The following ABHD18 variants were observed in gnomAD, a reference collection of about 807,000 sequenced individuals.
The protein encoded by ABHD18 is cardiolipin-specific deacylase, mitochondrial.
Under a neutral mutation model 65.9 loss-of-function variants are expected in ABHD18, and 55 were observed. That is an observed-to-expected ratio of 0.84 (90% confidence interval 0.67 to 1.05). The LOEUF is 1.05. Ranked by LOEUF, ABHD18 falls within the 50% of genes least tolerant of loss-of-function variation. The probability of loss-of-function intolerance (pLI) is 0.00; values close to 1 mark genes in which losing one functional copy is unlikely to be tolerated. For missense variants in ABHD18, 533 were observed against 558.5 expected, an observed-to-expected ratio of 0.95 and a Z score of 0.46; for synonymous variants, 181 against 180.2, an observed-to-expected ratio of 1.00 and a Z score of -0.04.
chr4:128,011,198 A>G (rs1754475858), intron 6 of ABHD18, among the ~76,000 whole-genome samples: 1 of 148,218 alleles, frequency 6.7e-6, no homozygotes, highest in South Asian at 2.1e-4. Flanking sequence ...CCCAGGCTGG[A>G]GTGCAGTGGC....
At chr4:127,981,521 A>T (rs1379742652) in intron 1 of ABHD18, among the ~76,000 whole-genome samples, 2 of 152,210 alleles carry the variant, frequency 1.3e-5, no homozygotes, top group African/African-American at 2.4e-5. Context: ...AATGATTGGA[A>T]TATAATAAGC....
In ABHD18 at chr4:128,009,104, T is replaced by G; in HGVS notation, c.358-3T>G. On this transcript the variant is annotated splice_region_variant and splice_polypyrimidine_tract_variant and intron_variant, in intron 5 of 12. Coordinates refer to ENST00000645843, the MANE Select transcript of ABHD18 (RefSeq NM_001358451.3). ...TTGAGTATGTGTTCTTTTCTTTCCTTAGCATTACTGGAGGCGACGAACACT... is the reference window on the plus strand; with the variant it reads ...TTGAGTATGTGTTCTTTTCTTTCCTGAGCATTACTGGAGGCGACGAACACT... 6.3e-7 allele frequency: 1 copy of G among 1,579,014 alleles called. No homozygotes were observed. Among genetic ancestry groups the G allele is most frequent in the Non-Finnish European group, 8.5e-7 (1 of 1,169,912 alleles).
intron 9 of ABHD18, among the ~76,000 whole-genome samples, 191 bp downstream of exon 9, chr4:128,020,360 A>C (rs1422787081): frequency 1.3e-5 from 2 of 152,230 alleles, no homozygotes; most frequent in African/African-American, 2.4e-5. Flanking sequence ...GAAAAAGCGC[A>C]TGAGGTAGAG....
rs79947964 is a variant in ABHD18, at chr4:127,993,992, A to G, written c.278+4171A>G. Among the ~76,000 whole-genome samples the G allele has an allele frequency of 3.0e-3, 456 of 152,370 alleles. 4 individuals carry two copies. Among genetic ancestry groups the G allele is most frequent in the African/African-American group, 0.011 (438 of 41,600 alleles). ...GCCAAGTATAGATTAATCCACAAGG[A>G]GAAACCTATTTGTCCTATTGTCATT... On this transcript the variant is annotated intron_variant, in intron 4 of 12. Transcript: ENST00000645843.
At chr4:127,999,871 G>A (rs1028721820) in intron 4 of ABHD18, among the ~76,000 whole-genome samples, 2 of 152,058 alleles carry the variant, frequency 1.3e-5, no homozygotes, top group Admixed American at 6.6e-5. Context: ...AAGTGTATTA[G>A]TTTGCACGCT....
chr4:128,023,913 G>C (rs1756952037), intron 10 of ABHD18, among the ~76,000 whole-genome samples: 1 of 152,126 alleles, frequency 6.6e-6, no homozygotes, highest in South Asian at 2.1e-4. Flanking sequence ...TTACCTGCTA[G>C]TTAGTTCCTA....
chr4:127,970,304 A>C (rs1379316680), intron 1 of ABHD18, among the ~76,000 whole-genome samples: 4 of 151,848 alleles, frequency 2.6e-5, no homozygotes, highest in Non-Finnish European at 4.4e-5. Context: ...TGTTAAGAAA[A>C]TAAGTGGGCC....
At chr4:127,979,499 G>A (rs919061349) in intron 1 of ABHD18, among the ~76,000 whole-genome samples, 4 of 152,240 alleles carry the variant, frequency 2.6e-5, no homozygotes, top group Non-Finnish European at 5.9e-5. Context: ...AGCTGGCAGT[G>A]AGCTGAGATT....
intron 4 of ABHD18, among the ~76,000 whole-genome samples, chr4:128,008,350 C>T (rs577673070): frequency 7.0e-6 from 1 of 142,146 alleles, no homozygotes; most frequent in African/African-American, 2.6e-5. Context: ...CGGCTCACTG[C>T]AACCTCTGCC....
intron 4 of ABHD18, among the ~76,000 whole-genome samples, chr4:128,001,055 T>C (rs907048362): frequency 6.6e-6 from 1 of 152,180 alleles, no homozygotes; most frequent in Non-Finnish European, 1.5e-5. Context: ...TGTGGGGTTT[T>C]TGAGGTATAA....
At chr4:127,967,935 C>G (rs746611438) in intron 1 of ABHD18, among the ~76,000 whole-genome samples, 5 of 152,122 alleles carry the variant, frequency 3.3e-5, no homozygotes, top group Non-Finnish European at 7.4e-5. Context: ...CCCTTTCAAA[C>G]AAACAGCCGG....
chr4:128,009,165 C>T lies in ABHD18; in HGVS notation c.416C>T (p.Ala139Val), dbSNP rs560711930. 1 of 1,518,066 alleles carries T rather than the reference C, an allele frequency of 6.6e-7. No individual in the cohort carries two copies. Among genetic ancestry groups the T allele is most frequent in the African/African-American group, 1.4e-5 (1 of 69,438 alleles). 94.0% of individuals were successfully genotyped at this position (1,518,066 alleles called of 1,614,324 possible). A position where few individuals can be genotyped will look rare whatever the true frequency, so the allele number is the denominator to read the frequency against. The change falls in exon 6 of 13, where the codon GCT (alanine) becomes GTT (valine). Residue 139 changes from alanine (A) to valine (V), a missense_variant. Ala to Val is a moderately conservative substitution (Grantham distance 64). Around this residue, in one of 3 missense-constraint regions of ABHD18, gnomAD observed 309 missense variants for 313.5 expected, o/e 0.99. Coordinates refer to ENST00000645843, the MANE Select transcript of ABHD18 (RefSeq NM_001358451.3). ...CCTATGATTAAAGAAGCCCGAATGG[C>T]TTCTTTATTGTTAGAAAACCCTTAT... ...ARPMIKEARMASLLLENPYYG... is the reference protein window; with the variant it reads ...ARPMIKEARMVSLLLENPYYG...
At chr4:127,978,743 T>A (rs1286450369) in intron 1 of ABHD18, among the ~76,000 whole-genome samples, 1 of 152,214 alleles carries the variant, frequency 6.6e-6, no homozygotes, top group Non-Finnish European at 1.5e-5. Context: ...TTTGACCCAA[T>A]TTGGCTCTAG....
At chr4:128,031,221 G>A in intron 12 of ABHD18, 1 of 753,712 alleles carries the variant, frequency 1.3e-6, no homozygotes, top group South Asian at 6.0e-5. Context: ...TTGGGAGGCG[G>A]AGGCGGGTGT....
chr4:128,026,808 C>T (rs527464932), intron 10 of ABHD18, among the ~76,000 whole-genome samples: 5 of 145,410 alleles, frequency 3.4e-5, no homozygotes, highest in African/African-American at 5.1e-5. Flanking sequence ...TTTTTTGAGA[C>T]GGAGTCTTGC....
At chr4:128,021,064 A>T in intron 9 of ABHD18, 73 bp from the exon 10 acceptor site, 1 of 873,546 alleles carries the variant, frequency 1.1e-6, no homozygotes, top group Non-Finnish European at 1.7e-6. Context: ...AGTCTCACAC[A>T]GTAATAATAA....
rs111506130 is a variant in ABHD18 at position 127,971,104 on chromosome 4, C to T, written c.-18+5498C>T. On this transcript the variant is annotated intron_variant, in intron 1 of 12. Transcript: ENST00000645843. Reference sequence around the variant, plus strand: ...AAAAAAAAAAAAGAAAGAAATTAGCCGGGCAAGGAAGGTGGCCTGTGTGCC... The same window carrying T: ...AAAAAAAAAAAAGAAAGAAATTAGCTGGGCAAGGAAGGTGGCCTGTGTGCC... Among the ~76,000 whole-genome samples, 286 of 151,150 alleles carry T rather than the reference C, an allele frequency of 1.9e-3. 4 individuals are homozygous for T. The highest frequency in any genetic ancestry group is 5.5e-3 in the African/African-American group (225 of 41,198).
intron 1 of ABHD18, among the ~76,000 whole-genome samples, chr4:127,970,382 C>T (rs936999124): frequency 2.0e-5 from 3 of 151,698 alleles, no homozygotes; most frequent in African/African-American, 7.2e-5. Context: ...CACCTGAGGT[C>T]AGGAGTTTGA....
intron 10 of ABHD18, among the ~76,000 whole-genome samples, chr4:128,026,043 G>C (rs1302630823): frequency 6.6e-6 from 1 of 150,972 alleles, no homozygotes; most frequent in African/African-American, 2.4e-5. Flanking sequence ...AATCCCAGCA[G>C]TTTGAGAGGC....
Sources: allele counts gnomAD v4.1 joint callset (sites outside exome capture counted in the v4.1 genomes callset), GRCh38; gene constraint gnomAD v4.1.1; regional missense constraint gnomAD v4.1.1; transcripts MANE v1.5; gene names NCBI Gene and HGNC (gene_info 2026-07-23, HGNC 2026-07-21).